The following KLC1 variants were observed in gnomAD, a reference collection of about 807,000 sequenced individuals.
The protein encoded by KLC1 is kinesin light chain 1.
KLC1 carries 30 observed loss-of-function variants against 84.2 expected under a neutral mutation model. The observed-to-expected ratio is 0.36, with a 90% CI of 0.27 to 0.48. KLC1 has a LOEUF of 0.48. Among genes scored for constraint, KLC1 ranks in the 20% least tolerant of loss-of-function variants. The pLI is 0.99. For missense variants in KLC1, 499 were observed against 805.4 expected (o/e 0.62, Z 4.60); for synonymous variants, 289 against 293.3 (o/e 0.99, Z 0.15).
intron 1 of KLC1, among the ~76,000 whole-genome samples, chr14:103,652,452 A>G: frequency 6.6e-6 from 1 of 152,190 alleles, no homozygotes; most frequent in African/African-American, 2.4e-5. Context: ...TGTTAAATAA[A>G]TACTAACAGT....
intron 13 of KLC1, among the ~76,000 whole-genome samples, chr14:103,684,559 A>T (rs542417619): frequency 6.6e-6 from 1 of 152,294 alleles, no homozygotes; most frequent in Non-Finnish European, 1.5e-5. Context: ...TCCACTGCCA[A>T]CCCCAGGTGC....
At position 103,642,651 on chromosome 14, in the gene KLC1, AAAAC is replaced by A. The variant is rs1258350068; in HGVS notation, c.-1-11909_-1-11906del. ...GTGTTTGAATGTAAGGATATGCTAA[AAAAC>A]AAAGGGATGGGAACATGAAGAAGGG... On this transcript the variant is annotated intron_variant, in intron 1 of 16. Transcript: ENST00000334553. Among the ~76,000 whole-genome samples the A allele has an allele frequency of 6.6e-5, 10 of 152,314 alleles. No individual in the cohort carries two copies. The South Asian group carries it at 1.9e-3, about 28-fold the overall frequency.
chr14:103,681,435 C>T (rs539568900), intron 13 of KLC1, among the ~76,000 whole-genome samples: 85 of 152,274 alleles, frequency 5.6e-4, no homozygotes, highest in African/African-American at 2.0e-3. Context: ...CTAAACTCGA[C>T]CAACTTTTGA....
rs1371525013 is a variant in KLC1, at chr14:103,701,213, G to C, written c.*14G>C. 6.4e-7 allele frequency: 1 copy of C among 1,550,480 alleles called. No individual in the cohort carries two copies. The highest frequency in any genetic ancestry group is 8.7e-7 in the Non-Finnish European group (1 of 1,146,354). ...TCTTCTCTTGCAGTGACCCCGACCT[G>C]GCCCCGCTCCAGGATGGGACTGCCG... On this transcript the variant is annotated 3_prime_UTR_variant, in exon 17 of 17. Transcript: ENST00000334553.
chr14:103,694,593 GC>G lies in KLC1; in HGVS notation c.1848+2170del. The stretch of plus-strand genomic sequence containing the variant: ...TAGGTAAAGAGCATACAAAACAGAC[GC>G]CGAGGTGATCAGTGATTCCAAAGGC... On this transcript the variant is annotated intron_variant, in intron 15 of 16. Transcript: ENST00000334553. The surrounding 1 kb of genome is among the most constrained non-coding windows in gnomAD (Gnocchi z 4.5). 1 of 985,464 alleles carries G rather than the reference GC, an allele frequency of 1.0e-6. No individual in the cohort carries two copies. The highest frequency in any genetic ancestry group is 1.7e-5 in the African/African-American group (1 of 57,364). 61.0% of individuals were successfully genotyped at this position (985,464 alleles called of 1,614,324 possible).
chr14:103,636,691 G>A (rs911515851), intron 1 of KLC1, among the ~76,000 whole-genome samples: 5 of 151,578 alleles, frequency 3.3e-5, no homozygotes, highest in Admixed American at 6.6e-5. Flanking sequence ...TAAAAAATTG[G>A]ATTGTTTGTA....
intron 13 of KLC1, chr14:103,686,675 G>T (rs2081798107): frequency 6.3e-6 from 1 of 158,936 alleles, no homozygotes; most frequent in South Asian, 1.8e-4. Flanking sequence ...GTCCTGTACT[G>T]TGTTACTTGT....
chr14:103,664,984 A>T (rs1481088311), intron 5 of KLC1, among the ~76,000 whole-genome samples: 1 of 152,056 alleles, frequency 6.6e-6, no homozygotes, highest in Non-Finnish European at 1.5e-5. Flanking sequence ...GGTGCTGGGG[A>T]TGCCATGGCC....
intron 5 of KLC1, among the ~76,000 whole-genome samples, chr14:103,666,753 C>G (rs564453179): frequency 6.7e-6 from 1 of 149,522 alleles, no homozygotes; most frequent in South Asian, 2.2e-4. Flanking sequence ...CGTGAGCCAC[C>G]GTGCCTGGCC....
intron 4 of KLC1, 112 bp downstream of exon 4, chr14:103,662,306 A>G (rs2079362797): frequency 1.1e-6 from 1 of 870,906 alleles, no homozygotes; most frequent in Admixed American, 1.8e-5. Context: ...TGCCTGGAGG[A>G]AGCACCACCA....
intron 1 of KLC1, among the ~76,000 whole-genome samples, chr14:103,638,508 T>C (rs896710792): frequency 1.3e-5 from 2 of 151,570 alleles, no homozygotes; most frequent in Non-Finnish European, 2.9e-5. Flanking sequence ...TTTCCCTTTT[T>C]AGTGCTTGGT....
chr14:103,629,719 C>T (rs1435166893), intron 1 of KLC1, among the ~76,000 whole-genome samples: 2 of 152,130 alleles, frequency 1.3e-5, no homozygotes, highest in Non-Finnish European at 2.9e-5. Flanking sequence ...TTCTTGTCCC[C>T]GGCCCTTTTG....
intron 1 of KLC1, among the ~76,000 whole-genome samples, chr14:103,633,167 C>T (rs1398282206): frequency 1.1e-4 from 17 of 151,886 alleles, no homozygotes; most frequent in Admixed American, 1.1e-3. Context: ...AAGTGATTCT[C>T]CTGCCTCAGC....
rs150884475 is a variant in KLC1 at position 103,697,194 on chromosome 14, C to T, written c.1849-3461C>T. 17 of 894,994 alleles carry T rather than the reference C, an allele frequency of 1.9e-5. No homozygotes were observed. In the African/African-American group the frequency reaches 2.9e-4, roughly 15 times the overall value. The allele number at this position is 894,994 out of a possible 1,614,324, so 55.4% of individuals were successfully genotyped here. ...GCAGAAAGGCTGTTTTGTAAAAATC[C>T]AACCCCAAAATAACTTTTTCCCATG... On this transcript the variant is annotated intron_variant, in intron 15 of 16. Transcript: ENST00000334553.
chr14:103,663,806 G>A (rs1271465151), intron 5 of KLC1, among the ~76,000 whole-genome samples: 1 of 152,190 alleles, frequency 6.6e-6, no homozygotes, highest in Non-Finnish European at 1.5e-5. Flanking sequence ...ACAGGATTGA[G>A]GTTGTCGGGG....
intron 15 of KLC1, among the ~76,000 whole-genome samples, 191 bp downstream of exon 15, chr14:103,692,616 T>TATGGGCATGTTC (rs2082185471): frequency 6.6e-6 from 1 of 152,210 alleles, no homozygotes; most frequent in African/African-American, 2.4e-5. Flanking sequence ...TTATGTGAAT[T>TATGGGCATGTTC]ATGGGCATGT....
intron 15 of KLC1, chr14:103,698,831 C>T: frequency 6.2e-7 from 1 of 1,605,896 alleles, no homozygotes; most frequent in Non-Finnish European, 8.5e-7. Flanking sequence ...TCCCTCGCAC[C>T]CCTTCGGCAC....
Position 103,692,407 on chromosome 14 carries a change from T to C in KLC1, c.1830T>C (p.Ala610=). 2 of 1,536,682 alleles carry C rather than the reference T, an allele frequency of 1.3e-6. No homozygotes were observed. The highest frequency in any genetic ancestry group is 1.7e-6 in the Non-Finnish European group (2 of 1,147,030). Residue 610 remains alanine, a synonymous_variant, in exon 15 of 17, where the codon GCT becomes GCC. Transcript: ENST00000334553. ...ATGTCCTTAACGTGGGTGGCAAGGC[T>C]GCTGAAGATCGCTTTCAAGTAAGGA... ...SLNVLNVGGK[A]AEDRFQGVSG... is the part of the protein sequence containing the mutation.
chr14:103,651,877 G>A (rs1469150899), intron 1 of KLC1, among the ~76,000 whole-genome samples: 1 of 152,144 alleles, frequency 6.6e-6, no homozygotes, highest in South Asian at 2.1e-4. Context: ...TCTGGCCTTC[G>A]TCTCTCAGTT....
Sources: gnomAD v4.1 joint callset for allele counts (sites outside exome capture counted in the v4.1 genomes callset) on GRCh38, gnomAD v4.1.1 for gene constraint, Gnocchi (gnomAD v3.1) non-coding constraint, MANE v1.5 for transcripts, NCBI Gene and HGNC (gene_info 2026-07-23, HGNC 2026-07-21) for gene names.